The following GPR158 variants were observed in gnomAD, a reference collection of about 807,000 sequenced individuals.
The protein encoded by GPR158 is G protein-coupled receptor 158.
GPR158 carries 30 observed loss-of-function variants against 78.2 expected under a neutral mutation model. The observed-to-expected ratio is 0.38, with a 90% CI of 0.29 to 0.52. The LOEUF (loss-of-function observed/expected upper bound fraction) is 0.52. Ranked by LOEUF, GPR158 falls within the 20% of genes least tolerant of loss-of-function variation. The probability of loss-of-function intolerance (pLI) is 0.83; values close to 1 mark genes in which losing one functional copy is unlikely to be tolerated. For synonymous variants in GPR158, 581 were observed against 591.1 expected (o/e 0.98, Z 0.25); for missense variants, 1,463 against 1,523.5 (o/e 0.96, Z 0.66).
intron 2 of GPR158, among the ~76,000 whole-genome samples, chr10:25,387,133 G>A (rs1169223588): frequency 6.6e-6 from 1 of 152,114 alleles, no homozygotes. Context: ...TCTTTAATAT[G>A]TTGAGGTAAT....
At chr10:25,259,315 A>G (rs1324594496) in intron 2 of GPR158, among the ~76,000 whole-genome samples, 5 of 152,170 alleles carry the variant, frequency 3.3e-5, no homozygotes, top group African/African-American at 4.8e-5. Context: ...TAGCCTGTGG[A>G]CTATAGTTTG....
chr10:25,426,177 G>A (rs1834818005), intron 4 of GPR158, among the ~76,000 whole-genome samples: 1 of 152,076 alleles, frequency 6.6e-6, no homozygotes, highest in South Asian at 2.1e-4. Flanking sequence ...CGAATTGAAG[G>A]GAGTTATGGT....
intron 2 of GPR158, among the ~76,000 whole-genome samples, chr10:25,311,353 T>C (rs767732460): frequency 6.6e-6 from 1 of 152,116 alleles, no homozygotes; most frequent in Middle Eastern, 3.4e-3. Flanking sequence ...CCCTCAGATA[T>C]GTTTTAAAGT....
chr10:25,573,009 C>T, intron 7 of GPR158, 122 bp downstream of exon 7: 1 of 674,534 alleles, frequency 1.5e-6, no homozygotes, highest in Non-Finnish European at 2.7e-6. Flanking sequence ...TAATGTGATT[C>T]TGGTAAGATA....
At position 25,390,452 on chromosome 10, in the gene GPR158, G is replaced by A. The variant is rs532014612; in HGVS notation, c.1009-5459G>A. Among the ~76,000 whole-genome samples the A allele has an allele frequency of 8.0e-3, 1,216 of 152,286 alleles. 13 individuals are homozygous for A. Among genetic ancestry groups the A allele is most frequent in the African/African-American group, 0.027 (1,139 of 41,550 alleles). On this transcript the variant is annotated intron_variant, in intron 2 of 10. Transcript: ENST00000376351. ...GAGATAAGGAACTTTTTGGGAACTGGAGCAAAGGTGATTCTTACTATGTTT... is the reference window on the plus strand; with the variant it reads ...GAGATAAGGAACTTTTTGGGAACTGAAGCAAAGGTGATTCTTACTATGTTT...
intron 1 of GPR158, among the ~76,000 whole-genome samples, chr10:25,216,963 ATTAT>A (rs1853225101): frequency 6.6e-6 from 1 of 152,170 alleles, no homozygotes; most frequent in South Asian, 2.1e-4. Flanking sequence ...CGTGGATTTT[ATTAT>A]TTAGGAAAGT....
chr10:25,175,520 T>A lies in GPR158; in HGVS notation c.100T>A (p.Ser34Thr). 2 of 1,611,948 alleles carry A rather than the reference T, an allele frequency of 1.2e-6. No individual in the cohort carries two copies. Among genetic ancestry groups the A allele is most frequent in the East Asian group, 4.5e-5 (2 of 44,788 alleles). The change falls in exon 1 of 11, where the codon TCC becomes ACC. Residue 34 changes from serine (S) to threonine (T), a missense_variant. Transcript: ENST00000376351. This position sits in a 1 kb window ranked among gnomAD's most constrained non-coding sequence, Gnocchi z 6.4. ...ASRDPQGRPD[S>T]PRERTPKGKP... ...CCGCGACCCCCAAGGACGGCCGGAT[T>A]CCCCTCGAGAGAGGACCCCGAAGGG...
intron 5 of GPR158, among the ~76,000 whole-genome samples, chr10:25,478,593 T>C (rs574333355): frequency 6.6e-6 from 1 of 152,078 alleles, no homozygotes; most frequent in African/African-American, 2.4e-5. Context: ...AGATACTAAC[T>C]GTGATCTTTA....
At chr10:25,364,488 G>A (rs892647378) in intron 2 of GPR158, among the ~76,000 whole-genome samples, 2 of 151,782 alleles carry the variant, frequency 1.3e-5, no homozygotes, top group East Asian at 2.0e-4. Flanking sequence ...TCCCTGATTC[G>A]CCATTGCAAC....
intron 4 of GPR158, among the ~76,000 whole-genome samples, chr10:25,449,378 C>T (rs1564458643): frequency 6.6e-6 from 1 of 152,212 alleles, no homozygotes; most frequent in Non-Finnish European, 1.5e-5. Flanking sequence ...TGCCTCACTA[C>T]TAAGTAAGAC....
intron 2 of GPR158, among the ~76,000 whole-genome samples, chr10:25,331,648 T>C (rs1446232464): frequency 5.3e-5 from 8 of 152,162 alleles, no homozygotes; most frequent in Non-Finnish European, 1.0e-4. Flanking sequence ...TCTGTAAATA[T>C]CTGGTCACCG....
At position 25,443,382 on chromosome 10, in the gene GPR158, C is replaced by T. The variant is rs1244226014; in HGVS notation, c.1336-23269C>T. ...CCAGCCTGGCCAATTTGGTGAAACCCCACCTCTATTAAAAATATAAAAATT... is the reference window on the plus strand; with the variant it reads ...CCAGCCTGGCCAATTTGGTGAAACCTCACCTCTATTAAAAATATAAAAATT... On this transcript the variant is annotated intron_variant, in intron 4 of 10. Transcript: ENST00000376351. 2.0e-5 allele frequency among the ~76,000 whole-genome samples: 3 copies of T among 151,710 alleles called. No homozygotes were observed. The South Asian group carries it at 6.3e-4, about 32-fold the overall frequency.
At chr10:25,519,512 CGG>C in intron 5 of GPR158, among the ~76,000 whole-genome samples, 1 of 136,316 alleles carries the variant, frequency 7.3e-6, no homozygotes, top group East Asian at 2.2e-4. Context: ...CAGCTGGTAC[CGG>C]TTGTTCCTTT....
At chr10:25,282,161 C>A (rs1428748488) in intron 2 of GPR158, among the ~76,000 whole-genome samples, 1 of 152,064 alleles carries the variant, frequency 6.6e-6, no homozygotes, top group Non-Finnish European at 1.5e-5. Flanking sequence ...CCCTGGTAAC[C>A]ACTAATTTTG....
At chr10:25,290,720 A>T (rs553486796) in intron 2 of GPR158, among the ~76,000 whole-genome samples, 162 of 152,152 alleles carry the variant, frequency 1.1e-3, no homozygotes, top group African/African-American at 3.7e-3. Flanking sequence ...GTAGTTTCTT[A>T]TATTTATGTA....
At chr10:25,492,481 C>T (rs1209612945) in intron 5 of GPR158, among the ~76,000 whole-genome samples, 1 of 151,774 alleles carries the variant, frequency 6.6e-6, no homozygotes, top group African/African-American at 2.4e-5. Context: ...ACTGTATGTT[C>T]CAATTAGTGA....
intron 5 of GPR158, among the ~76,000 whole-genome samples, chr10:25,492,994 TAAAAATTAGCATTTACA>T (rs1032526893): frequency 6.6e-6 from 1 of 151,950 alleles, no homozygotes; most frequent in African/African-American, 2.4e-5. Context: ...CAAGTTTGAA[TAAAAATTAGCATTTACA>T]AAGAGTAAAA....
Position 25,175,767 on chromosome 10 carries a change from C to T in GPR158, c.347C>T (p.Ala116Val). ...AGLPGKWPAL[A>V]SAHPSLHRAL... ...CTGCCGGGGAAGTGGCCAGCCCTGG[C>T]CAGCGCGCACCCCTCCTTGCACCGG... is the stretch of plus-strand genomic sequence containing the variant. The change falls in exon 1 of 11, where the codon GCC becomes GTC. Residue 116 changes from alanine (A) to valine (V), a missense_variant. Coordinates refer to ENST00000376351, the MANE Select transcript of GPR158 (RefSeq NM_020752.3). This position sits in a 1 kb window ranked among gnomAD's most constrained non-coding sequence, Gnocchi z 6.4. 6.2e-7 allele frequency: 1 copy of T among 1,611,192 alleles called. No homozygotes were observed. Among genetic ancestry groups the T allele is most frequent in the Non-Finnish European group, 8.5e-7 (1 of 1,179,932 alleles).
At chr10:25,319,176 A>AT (rs1363320587) in intron 2 of GPR158, among the ~76,000 whole-genome samples, 3 of 151,686 alleles carry the variant, frequency 2.0e-5, no homozygotes, top group Non-Finnish European at 4.4e-5. Flanking sequence ...TTCCTTACTC[A>AT]TTTTTCAAGA....
Sources: gnomAD v4.1 joint callset for allele counts (sites outside exome capture counted in the v4.1 genomes callset) on GRCh38, gnomAD v4.1.1 for gene constraint, Gnocchi (gnomAD v3.1) non-coding constraint, MANE v1.5 for transcripts, NCBI Gene and HGNC (gene_info 2026-07-23, HGNC 2026-07-21) for gene names.